The following ZSCAN21 variants were observed in gnomAD, a reference collection of about 807,000 sequenced individuals.
ZSCAN21 encodes the protein zinc finger and SCAN domain containing 21.
In ZSCAN21, 26 loss-of-function variants were observed where a neutral mutation model predicts 35.6. That is an observed-to-expected ratio of 0.73 (90% confidence interval 0.54 to 1.01). ZSCAN21 has a LOEUF of 1.01. Ranked by LOEUF, ZSCAN21 falls within the 50% of genes least tolerant of loss-of-function variation. The probability of loss-of-function intolerance (pLI) is 0.00; values close to 1 mark genes in which losing one functional copy is unlikely to be tolerated. For missense variants in ZSCAN21, 593 were observed against 587.1 expected, an observed-to-expected ratio of 1.01 and a Z score of -0.10; for synonymous variants, 219 against 219.3, an observed-to-expected ratio of 1.00 and a Z score of 0.01.
At chr7:100,052,516 T>C (rs1320794811) in intron 1 of ZSCAN21, among the ~76,000 whole-genome samples, 1 of 151,598 alleles carries the variant, frequency 6.6e-6, no homozygotes, top group African/African-American at 2.4e-5. Context: ...AAAAGAACAA[T>C]GAGAGTTGCC....
chr7:100,057,255 G>A lies in ZSCAN21; in HGVS notation c.249G>A (p.Gln83=), dbSNP rs754533617. The part of the protein sequence containing the change: ...WLRPEIHTKE[Q]ILELLVLEQF... The stretch of plus-strand genomic sequence containing the variant: ...GGCCCGAGATCCACACCAAGGAGCA[G>A]ATCCTGGAGCTACTGGTGCTGGAGC... Residue 83 remains glutamine, a synonymous_variant, in exon 2 of 4, where the codon CAG becomes CAA. Coordinates refer to ENST00000292450, the MANE Select transcript of ZSCAN21 (RefSeq NM_145914.3). The A allele has an allele frequency of 3.3e-5, 54 of 1,613,816 alleles. No individual in the cohort carries two copies. The highest frequency in any genetic ancestry group is 4.5e-5 in the Non-Finnish European group (53 of 1,179,986).
At position 100,049,811 on chromosome 7, in the gene ZSCAN21, C is replaced by G. The variant is rs770198144; in HGVS notation, c.-127C>G. On this transcript the variant is annotated 5_prime_UTR_variant, in exon 1 of 4. Coordinates refer to ENST00000292450, the MANE Select transcript of ZSCAN21 (RefSeq NM_145914.3). ...GCGGTCCCGAGGTACGCGGTGCGGT[C>G]TCCCGGTACCCGGAGCGGCTCTGAT... 1 of 152,296 alleles carries G rather than the reference C, an allele frequency of 6.6e-6. No individual in the cohort carries two copies. Among genetic ancestry groups the G allele is most frequent in the Admixed American group, 6.5e-5 (1 of 15,288 alleles). The allele number at this position is 152,296 out of a possible 1,614,324, so 9.4% of individuals were successfully genotyped here.
chr7:100,056,885 A>C, intron 1 of ZSCAN21, 26 bp from the exon 2 acceptor site: 1 of 1,067,218 alleles, frequency 9.4e-7, no homozygotes, highest in African/African-American at 1.6e-5. Flanking sequence ...CAGTTTGATT[A>C]TTTTTTGGTA....
At chr7:100,055,389 C>T (rs1465094904) in intron 1 of ZSCAN21, among the ~76,000 whole-genome samples, 1 of 151,330 alleles carries the variant, frequency 6.6e-6, no homozygotes, top group African/African-American at 2.4e-5. Flanking sequence ...GCCTCAGCCT[C>T]CCAAATAGCT....
At chr7:100,050,037 CTT>C (rs1322533263) in intron 1 of ZSCAN21, among the ~76,000 whole-genome samples, 196 bp downstream of exon 1, 3 of 152,232 alleles carry the variant, frequency 2.0e-5, no homozygotes, top group Non-Finnish European at 4.4e-5. Flanking sequence ...CCTGGAAAGC[CTT>C]TTCTTCCACT....
At chr7:100,054,726 C>T (rs1792011623) in intron 1 of ZSCAN21, among the ~76,000 whole-genome samples, 1 of 149,334 alleles carries the variant, frequency 6.7e-6, no homozygotes, top group Middle Eastern at 3.4e-3. Flanking sequence ...GTAGTCCCAG[C>T]TACTCAGGAG....
In ZSCAN21 at chr7:100,057,282, G is replaced by A. The variant is rs1322999867; in HGVS notation, c.276G>A (p.Gln92=). The part of the protein sequence containing the change: ...EQILELLVLE[Q]FLTILPQELQ... ...TCCTGGAGCTACTGGTGCTGGAGCAGTTCCTGACCATCCTGCCCCAGGAGC... is the reference window on the plus strand; with the variant it reads ...TCCTGGAGCTACTGGTGCTGGAGCAATTCCTGACCATCCTGCCCCAGGAGC... The change falls in exon 2 of 4, where the codon CAG becomes CAA. Residue 92 remains glutamine, a synonymous_variant. Coordinates refer to ENST00000292450, the MANE Select transcript of ZSCAN21 (RefSeq NM_145914.3). The A allele has an allele frequency of 6.2e-7, 1 of 1,613,744 alleles. No individual in the cohort carries two copies. The highest frequency in any genetic ancestry group is 1.1e-5 in the South Asian group (1 of 91,078).
At chr7:100,059,677 C>T (rs553939475) in intron 3 of ZSCAN21, among the ~76,000 whole-genome samples, 11 of 152,022 alleles carry the variant, frequency 7.2e-5, no homozygotes, top group Admixed American at 2.0e-4. Flanking sequence ...CTCAGCCTCC[C>T]GAGTAGCTGG....
intron 1 of ZSCAN21, among the ~76,000 whole-genome samples, chr7:100,051,978 TGG>T (rs1443747056): frequency 1.3e-5 from 2 of 152,120 alleles, no homozygotes; most frequent in African/African-American, 4.8e-5. Flanking sequence ...TCACCCAGGC[TGG>T]AGCACAGTGG....
chr7:100,051,276 G>GGTTTTTTTTTT (rs1584367009), intron 1 of ZSCAN21, among the ~76,000 whole-genome samples: 1 of 94,584 alleles, frequency 1.1e-5, no homozygotes, highest in Non-Finnish European at 2.2e-5. Context: ...GGGATCTAGG[G>GGTTTTTTTTTT]ATTTTCTTTT....
chr7:100,064,841 T>C lies in ZSCAN21; in HGVS notation c.*224T>C. ...GCCAGTTCACTGGAGCAGAGTCCCT[T>C]CGCCACACTTAGGGTCCCAGTAAGC... On this transcript the variant is annotated 3_prime_UTR_variant, in exon 4 of 4. Coordinates refer to ENST00000292450, the MANE Select transcript of ZSCAN21 (RefSeq NM_145914.3). 6.2e-7 allele frequency: 1 copy of C among 1,614,166 alleles called. No individual in the cohort carries two copies. The highest frequency in any genetic ancestry group is 1.1e-5 in the South Asian group (1 of 91,086).
intron 3 of ZSCAN21, among the ~76,000 whole-genome samples, chr7:100,062,361 C>T (rs144745279): frequency 0.012 from 1,736 of 141,346 alleles, 37 homozygotes; most frequent in African/African-American, 0.044. Context: ...GAGGCTGAGG[C>T]GGGCAGATCA....
At chr7:100,056,660 C>T (rs2116097740) in intron 1 of ZSCAN21, among the ~76,000 whole-genome samples, 1 of 152,192 alleles carries the variant, frequency 6.6e-6, no homozygotes, top group African/African-American at 2.4e-5. Flanking sequence ...GACAGGGTTT[C>T]ACCATGTTGG....
chr7:100,053,731 G>A (rs1791976092), intron 1 of ZSCAN21, among the ~76,000 whole-genome samples: 1 of 151,724 alleles, frequency 6.6e-6, no homozygotes, highest in East Asian at 1.9e-4. Flanking sequence ...TGTATTTTTA[G>A]TGGAGACTGT....
rs1295841267 is a variant in ZSCAN21, at chr7:100,064,459, G to T, written c.1264G>T (p.Gly422Trp). The change falls in exon 4 of 4, where the codon GGG (glycine) becomes TGG (tryptophan). Residue 422 changes from glycine (G) to tryptophan (W), a missense_variant. By Grantham distance (184) the Gly-to-Trp change is radical. Coordinates refer to ENST00000292450, the MANE Select transcript of ZSCAN21 (RefSeq NM_145914.3). ...GEKPYKCKEC[G>W]KAFNHSSNFN... ...GAAGCCATATAAGTGTAAGGAGTGT[G>T]GGAAAGCCTTCAACCACAGCTCCAA... 1.2e-6 allele frequency: 2 copies of T among 1,613,916 alleles called. No homozygotes were observed. The highest frequency in any genetic ancestry group is 1.7e-6 in the Non-Finnish European group (2 of 1,180,014).
At chr7:100,054,729 C>T (rs144625162) in intron 1 of ZSCAN21, among the ~76,000 whole-genome samples, 4,211 of 148,882 alleles carry the variant, frequency 0.028, 203 homozygotes, top group African/African-American at 0.098. Flanking sequence ...GTCCCAGCTA[C>T]TCAGGAGGCT....
Position 100,064,564 on chromosome 7 carries a change from T to A in ZSCAN21, c.1369T>A (p.Ser457Thr), listed in dbSNP as rs1792538103. 1 of 1,614,052 alleles carries A rather than the reference T, an allele frequency of 6.2e-7. No individual in the cohort carries two copies. The highest frequency in any genetic ancestry group is 1.1e-5 in the South Asian group (1 of 91,076). The change falls in exon 4 of 4, where the codon TCC becomes ACC. Residue 457 changes from serine (S) to threonine (T), a missense_variant. Ser to Thr is a moderately conservative substitution (Grantham distance 58). Coordinates refer to ENST00000292450, the MANE Select transcript of ZSCAN21 (RefSeq NM_145914.3). ...HHCGKTFCSK[S>T]NLSKHQRVHT... ...CTGTGGAAAGACCTTCTGTAGCAAG[T>A]CCAATCTTTCCAAACATCAGCGAGT...
intron 1 of ZSCAN21, among the ~76,000 whole-genome samples, chr7:100,055,176 G>A (rs1295779717): frequency 2.7e-5 from 4 of 147,274 alleles, no homozygotes; most frequent in Non-Finnish European, 6.0e-5. Flanking sequence ...GGCTGGTCTC[G>A]AACTCCTGAC....
intron 1 of ZSCAN21, among the ~76,000 whole-genome samples, chr7:100,052,558 G>A (rs1257894666): frequency 6.6e-6 from 1 of 152,080 alleles, no homozygotes; most frequent in Admixed American, 6.6e-5. Context: ...TTGAGGGAGA[G>A]ATGGGAATTC....
Sources: gnomAD v4.1 joint callset for allele counts (sites outside exome capture counted in the v4.1 genomes callset) on GRCh38, gnomAD v4.1.1 for gene constraint, MANE v1.5 for transcripts, NCBI Gene and HGNC (gene_info 2026-07-23, HGNC 2026-07-21) for gene names.